Variants in MAPT observed in about 807,000 individuals in gnomAD.
MAPT encodes microtubule associated protein tau, also known as microtubule-associated protein tau.
A neutral mutation model predicts 67.9 loss-of-function variants in MAPT; 34 were observed. That is an observed-to-expected ratio of 0.50 (90% confidence interval 0.38 to 0.67). MAPT has a LOEUF of 0.67. Ranked by LOEUF, MAPT falls within the 30% of genes least tolerant of loss-of-function variation. The probability of loss-of-function intolerance (pLI) is 0.00; values close to 1 mark genes in which losing one functional copy is unlikely to be tolerated. For synonymous variants in MAPT, 456 were observed against 464.5 expected, an observed-to-expected ratio of 0.98 and a Z score of 0.23; for missense variants, 881 against 1,115.2, an observed-to-expected ratio of 0.79 and a Z score of 2.99.
chr17:45,936,771 G>C (rs12150460), intron 1 of MAPT, among the ~76,000 whole-genome samples: 2 of 152,118 alleles, frequency 1.3e-5, no homozygotes, highest in South Asian at 4.1e-4. Flanking sequence ...CTTCCCCCAA[G>C]GGCGTCATTA....
chr17:45,914,059 G>C (rs554802125), intron 1 of MAPT, among the ~76,000 whole-genome samples: 55 of 152,192 alleles, frequency 3.6e-4, no homozygotes, highest in Admixed American at 1.4e-3. Context: ...ATAAAAAAAG[G>C]AGGAGGGATT....
chr17:45,927,935 G>A (rs1385027688), intron 1 of MAPT, among the ~76,000 whole-genome samples: 2 of 149,972 alleles, frequency 1.3e-5, no homozygotes, highest in Admixed American at 6.7e-5. Flanking sequence ...GGTAGGCGGA[G>A]GTTGCAGTGA....
intron 2 of MAPT, among the ~76,000 whole-genome samples, chr17:45,966,009 A>AG (rs2071039692): frequency 1.3e-5 from 2 of 152,162 alleles, no homozygotes; most frequent in African/African-American, 4.8e-5. Context: ...CTTTCCACCA[A>AG]GCTCCCTTGG....
intron 1 of MAPT, among the ~76,000 whole-genome samples, chr17:45,916,936 C>T (rs1405145677): frequency 6.6e-6 from 1 of 152,210 alleles, no homozygotes; most frequent in Non-Finnish European, 1.5e-5. Context: ...GTCTGGGCCA[C>T]CTGGAGATGG....
rs1314478788 is a variant in MAPT, at chr17:45,996,597, A to ACC, written c.1932_1933dup (p.Leu645ProfsTer2). On this transcript the variant is annotated frameshift_variant, in exon 9 of 13. Transcript: ENST00000262410. LOFTEE classifies it high-confidence loss of function. This position sits in a 1 kb window ranked among gnomAD's most constrained non-coding sequence, Gnocchi z 4.5. ...CAGACAGCCCCCGTGCCCATGCCAGACCTGAAGAATGTCAAGTCCAAGATC... is the reference window on the plus strand; with the variant it reads ...CAGACAGCCCCCGTGCCCATGCCAGACCCCTGAAGAATGTCAAGTCCAAGATC... 1 of 1,613,868 alleles carries ACC rather than the reference A, an allele frequency of 6.2e-7. No individual in the cohort carries two copies.
At chr17:45,936,635 G>C (rs537899682) in intron 1 of MAPT, among the ~76,000 whole-genome samples, 1 of 152,310 alleles carries the variant, frequency 6.6e-6, no homozygotes, top group African/African-American at 2.4e-5. Context: ...TGTGGCCCCA[G>C]CTTGGCAATT....
chr17:45,898,487 C>T (rs1210901989), intron 1 of MAPT: 1 of 152,192 alleles, frequency 6.6e-6, no homozygotes, highest in Non-Finnish European at 1.5e-5. Flanking sequence ...TCGGTGCCAG[C>T]CTGGAGATGG....
rs1393023378 is a variant in MAPT, at chr17:46,010,567, C to G, written c.2091+165C>G. Among the ~76,000 whole-genome samples the G allele has an allele frequency of 6.6e-6, 1 of 152,196 alleles. No homozygotes were observed. The highest frequency in any genetic ancestry group is 2.4e-5 in the African/African-American group (1 of 41,462). On this transcript the variant is annotated intron_variant, in intron 10 of 12. Coordinates refer to ENST00000262410, the MANE Select transcript of MAPT (RefSeq NM_001377265.1). The surrounding 1 kb of genome is among the most constrained non-coding windows in gnomAD (Gnocchi z 4.7). ...TGTAGCCCGGCTCCCCACATTCCCCCACACGGTCCACTGTTCCCAGAAGCC... is the reference window on the plus strand; with the variant it reads ...TGTAGCCCGGCTCCCCACATTCCCCGACACGGTCCACTGTTCCCAGAAGCC...
chr17:45,965,685 G>C (rs568411714), intron 2 of MAPT, among the ~76,000 whole-genome samples: 1 of 151,692 alleles, frequency 6.6e-6, no homozygotes, highest in Non-Finnish European at 1.5e-5. Flanking sequence ...CAAAGTGCTG[G>C]GATTGCAGGC....
intron 3 of MAPT, chr17:45,976,621 C>T (rs921755339): frequency 6.6e-6 from 1 of 152,454 alleles, no homozygotes; most frequent in Non-Finnish European, 1.5e-5. Context: ...TTGCAGGTTC[C>T]TGCCTTGCTG....
Position 46,010,370 on chromosome 17 carries a change from G to T in MAPT, c.2059G>T (p.Asp687Tyr). The T allele has an allele frequency of 1.9e-6, 3 of 1,582,992 alleles. No homozygotes were observed. The highest frequency in any genetic ancestry group is 2.6e-6 in the Non-Finnish European group (3 of 1,163,496). The change falls in exon 10 of 13, where the codon GAT becomes TAT. Residue 687 changes from aspartate to tyrosine, a missense_variant. Coordinates refer to ENST00000262410, the MANE Select transcript of MAPT (RefSeq NM_001377265.1). This position sits in a 1 kb window ranked among gnomAD's most constrained non-coding sequence, Gnocchi z 4.7. The stretch of plus-strand genomic sequence containing the variant: ...CGTCCAGTCCAAGTGTGGCTCAAAG[G>T]ATAATATCAAACACGTCCCGGGAGG... ...SNVQSKCGSK[D>Y]NIKHVPGGGS...
intron 1 of MAPT, among the ~76,000 whole-genome samples, chr17:45,956,594 A>ATTTT (rs2069734175): frequency 6.8e-5 from 1 of 14,672 alleles, no homozygotes; most frequent in African/African-American, 1.8e-4. Flanking sequence ...ATATATATAT[A>ATTTT]TATATATTTT....
In MAPT at chr17:45,903,644, G is replaced by C. The variant is rs1239223832; in HGVS notation, c.-18+8958G>C. 2.8e-5 allele frequency among the ~76,000 whole-genome samples: 4 copies of C among 142,596 alleles called. No homozygotes were observed. In the East Asian group the frequency reaches 8.1e-4, roughly 29 times the overall value. The allele number at this position is 142,596 out of a possible 152,430, so 93.5% of individuals were successfully genotyped here. A position where few individuals can be genotyped will look rare whatever the true frequency, so the allele number is the denominator to read the frequency against. ...GCAGGGGAATGGCGTGAACCCGGGAGGTGGAGGTTGCAGTGAGCCGAGATC... is the reference window on the plus strand; with the variant it reads ...GCAGGGGAATGGCGTGAACCCGGGACGTGGAGGTTGCAGTGAGCCGAGATC... On this transcript the variant is annotated intron_variant, in intron 1 of 12. Transcript: ENST00000262410.
rs368699888 is a variant in MAPT, at chr17:45,899,567, C to T, written c.-18+4881C>T. Among the ~76,000 whole-genome samples, 13 of 152,194 alleles carry T rather than the reference C, an allele frequency of 8.5e-5. No individual in the cohort carries two copies. The East Asian group carries it at 1.2e-3, about 13-fold the overall frequency. On this transcript the variant is annotated intron_variant, in intron 1 of 12. Coordinates refer to ENST00000262410, the MANE Select transcript of MAPT (RefSeq NM_001377265.1). ...GGAGCTGGTTGCCTGACACTAGTTCCCTCCCCTCTCAGCCACATGTGGGTT... is the reference window on the plus strand; with the variant it reads ...GGAGCTGGTTGCCTGACACTAGTTCTCTCCCCTCTCAGCCACATGTGGGTT...
rs902291959 is a variant in MAPT, at chr17:46,027,759, C to G, written c.*3588C>G. 2 of 152,256 alleles carry G rather than the reference C, an allele frequency of 1.3e-5. No individual in the cohort carries two copies. Among genetic ancestry groups the G allele is most frequent in the African/African-American group, 4.8e-5 (2 of 41,446 alleles). The allele number at this position is 152,256 out of a possible 1,614,324, so 9.4% of individuals were successfully genotyped here. A position where few individuals can be genotyped will look rare whatever the true frequency, so the allele number is the denominator to read the frequency against. On this transcript the variant is annotated 3_prime_UTR_variant, in exon 13 of 13. Coordinates refer to ENST00000262410, the MANE Select transcript of MAPT (RefSeq NM_001377265.1). ...CATTCCCTCCCCAGCCAGGTGCAGGCGTAGGAATATGGACATCTGGTTGCT... is the reference window on the plus strand; with the variant it reads ...CATTCCCTCCCCAGCCAGGTGCAGGGGTAGGAATATGGACATCTGGTTGCT...
intron 1 of MAPT, among the ~76,000 whole-genome samples, chr17:45,948,169 C>T (rs1022636645): frequency 6.6e-6 from 1 of 152,096 alleles, no homozygotes; most frequent in African/African-American, 2.4e-5. Context: ...CCACACCTGG[C>T]TAATTTTTGT....
chr17:45,900,258 G>T (rs1034757395), intron 1 of MAPT, among the ~76,000 whole-genome samples: 3 of 152,178 alleles, frequency 2.0e-5, no homozygotes, highest in African/African-American at 7.2e-5. Flanking sequence ...CGCCCCTGTT[G>T]CCTTGCCAAA....
chr17:45,926,710 T>C (rs76500077), intron 1 of MAPT, among the ~76,000 whole-genome samples: 21,802 of 152,160 alleles, frequency 0.14, 2,135 homozygotes, highest in Middle Eastern at 0.22. Flanking sequence ...GTGATGGTTC[T>C]GGAGGGAATG....
At chr17:45,919,791 C>A (rs1468806376) in intron 1 of MAPT, among the ~76,000 whole-genome samples, 2 of 152,208 alleles carry the variant, frequency 1.3e-5, no homozygotes, top group African/African-American at 4.8e-5. Flanking sequence ...CATGCACCTG[C>A]AGTCCCTGCT....
Sources: gnomAD v4.1 joint callset for allele counts (sites outside exome capture counted in the v4.1 genomes callset) on GRCh38, gnomAD v4.1.1 for gene constraint, Gnocchi (gnomAD v3.1) non-coding constraint, MANE v1.5 for transcripts, NCBI Gene and HGNC (gene_info 2026-07-23, HGNC 2026-07-21) for gene names.